ADAP1: variants seen among roughly 807,000 people sequenced by gnomAD.
ADAP1 encodes the protein arf-GAP with dual PH domain-containing protein 1.
ADAP1 carries 31 observed loss-of-function variants against 54.9 expected under a neutral mutation model. The ratio of observed to expected loss-of-function variants is 0.56; its 90% CI spans 0.42 to 0.76. The LOEUF is 0.76. ADAP1 is among the 30% of genes least tolerant of loss of function. The pLI is 0.00. For synonymous variants in ADAP1, 313 were observed against 202.6 expected, an observed-to-expected ratio of 1.55 and a Z score of -4.63; for missense variants, 535 against 512.4, an observed-to-expected ratio of 1.04 and a Z score of -0.42.
intron 4 of ADAP1, chr7:905,751 G>GAAAGGAGAAAGGAGA (rs1583130611): frequency 3.6e-5 from 2 of 55,156 alleles, no homozygotes; most frequent in Non-Finnish European, 6.5e-5. Flanking sequence ...GGAGAAGGGA[G>GAAAGGAGAAAGGAGA]AAGGGAGAAG....
rs537552192 is a variant in ADAP1 at position 909,201 on chromosome 7, C to T, written c.389-4029G>A. 4.3e-5 allele frequency among the ~76,000 whole-genome samples: 3 copies of T among 70,244 alleles called. No homozygotes were observed. The East Asian group carries it at 1.1e-3, about 25-fold the overall frequency. 46.1% of individuals were successfully genotyped at this position (70,244 alleles called of 152,430 possible). ...CCAGCGGGAACCCCGGACCTCCCGA[C>T]AGCAGGCGCCAGCGGGAACCCCGGT... On this transcript the variant is annotated intron_variant, in intron 4 of 10. Transcript: ENST00000265846.
chr7:915,415 C>T (rs914905124), intron 4 of ADAP1, among the ~76,000 whole-genome samples: 2 of 152,224 alleles, frequency 1.3e-5, no homozygotes, highest in African/African-American at 2.4e-5. Context: ...CCTGGTGCTG[C>T]GGACGTGGCC....
chr7:955,237 C>T (rs1235145184), upstream of ADAP1: 3 of 1,511,386 alleles, frequency 2.0e-6, no homozygotes, highest in East Asian at 2.5e-5. Context: ...TGAGGGGCCC[C>T]GCCGGGACTT....
rs1562915336 is a variant in ADAP1, at chr7:906,707, GA to G, written c.389-1536del. ...GGACACGGGGGACATGGACATGGGGGACGGGACATCGGGGACGGGACATGGG... is the reference window on the plus strand; with the variant it reads ...GGACACGGGGGACATGGACATGGGGGCGGGACATCGGGGACGGGACATGGG... On this transcript the variant is annotated intron_variant, in intron 4 of 10. Coordinates refer to ENST00000265846, the MANE Select transcript of ADAP1 (RefSeq NM_006869.4). 2.4e-3 allele frequency among the ~76,000 whole-genome samples: 75 copies of G among 31,380 alleles called. 9 individuals are homozygous for G. The highest frequency in any genetic ancestry group is 0.011 in the East Asian group (2 of 180). The allele number at this position is 31,380 out of a possible 152,430, so 20.6% of individuals were successfully genotyped here. A position where few individuals can be genotyped will look rare whatever the true frequency, so the allele number is the denominator to read the frequency against.
At chr7:915,187 G>T (rs959343347) in intron 4 of ADAP1, among the ~76,000 whole-genome samples, 41 of 93,238 alleles carry the variant, frequency 4.4e-4, no homozygotes, top group Non-Finnish European at 8.2e-4. Context: ...ACCTGGCCAC[G>T]GCACTCACGG....
At chr7:900,881 GAA>G (rs879634033) in intron 6 of ADAP1, 28,505 of 480,136 alleles carry the variant, frequency 0.059, 776 homozygotes, top group East Asian at 0.062. Flanking sequence ...CCGAAGGGCC[GAA>G]GGGCCGGGCC....
intron 1 of ADAP1, among the ~76,000 whole-genome samples, chr7:937,150 G>A (rs1846790275): frequency 8.4e-6 from 1 of 118,422 alleles, no homozygotes; most frequent in African/African-American, 3.3e-5. Flanking sequence ...GGTCACGCCC[G>A]GCCTCTGGGA....
At position 904,165 on chromosome 7, in the gene ADAP1, G is replaced by A. The variant is rs1844968832; in HGVS notation, c.609C>T (p.Asn203=). Residue 203 remains asparagine, a synonymous_variant, in exon 6 of 11, where the codon AAC becomes AAT. Coordinates refer to ENST00000265846, the MANE Select transcript of ADAP1 (RefSeq NM_006869.4). ...GGTAGATGAAGATGTTACGGGTGCTGTTGTCCTTCAGGTAGGTGACCTGCA... is the reference window on the plus strand; with the variant it reads ...GGTAGATGAAGATGTTACGGGTGCTATTGTCCTTCAGGTAGGTGACCTGCA... The part of the protein sequence containing the change: ...HGLQVTYLKD[N]STRNIFIYHE... 1.9e-6 allele frequency: 3 copies of A among 1,612,648 alleles called. No homozygotes were observed. The highest frequency in any genetic ancestry group is 1.3e-5 in the African/African-American group (1 of 75,068).
At chr7:930,560 T>A (rs1336818629) in intron 2 of ADAP1, among the ~76,000 whole-genome samples, 3 of 151,540 alleles carry the variant, frequency 2.0e-5, no homozygotes, top group Admixed American at 6.6e-5. Flanking sequence ...GGCTCACGTC[T>A]GTAATCCCAG....
At chr7:955,347 C>A (rs1228848822), upstream of ADAP1, 8 of 1,550,254 alleles carry the variant, frequency 5.2e-6, no homozygotes, top group Admixed American at 1.2e-4. Flanking sequence ...TTTTCAAATT[C>A]TTTCCATTTT....
chr7:914,171 C>A (rs927189712), intron 4 of ADAP1, among the ~76,000 whole-genome samples: 3 of 152,226 alleles, frequency 2.0e-5, no homozygotes, highest in Non-Finnish European at 4.4e-5. Context: ...GGTTCCGGCT[C>A]ATTCCAGGGC....
rs1554271975 is a variant in ADAP1 at position 905,910 on chromosome 7, G to GGAGAAGGGAGAAGGGAGAAGGGA, written c.389-739_389-738insTCCCTTCTCCCTTCTCCCTTCTC. ...AAAGGAGAAAGGAGAAAGGAGAAAG[G>GGAGAAGGGAGAAGGGAGAAGGGA]GAAAGGAGAAAGGGAGAAAGGAGAA... On this transcript the variant is annotated intron_variant, in intron 4 of 10. Coordinates refer to ENST00000265846, the MANE Select transcript of ADAP1 (RefSeq NM_006869.4). Among the ~76,000 whole-genome samples the GGAGAAGGGAGAAGGGAGAAGGGA allele has an allele frequency of 2.0e-4, 2 of 9,924 alleles. 1 individual carries two copies. Among genetic ancestry groups the GGAGAAGGGAGAAGGGAGAAGGGA allele is most frequent in the Non-Finnish European group, 4.1e-4 (2 of 4,934 alleles). The allele number at this position is 9,924 out of a possible 152,430, so 6.5% of individuals were successfully genotyped here. A position where few individuals can be genotyped will look rare whatever the true frequency, so the allele number is the denominator to read the frequency against.
chr7:911,394 C>T (rs1380705948), intron 4 of ADAP1, among the ~76,000 whole-genome samples: 1 of 152,194 alleles, frequency 6.6e-6, no homozygotes, highest in Non-Finnish European at 1.5e-5. Context: ...GCTGCCCAGG[C>T]TGCAGGAGGG....
At chr7:908,879 A>C (rs1370064216) in intron 4 of ADAP1, among the ~76,000 whole-genome samples, 1 of 152,188 alleles carries the variant, frequency 6.6e-6, no homozygotes, top group Admixed American at 6.5e-5. Context: ...ACGGGGGTGG[A>C]GCTGGCTGGG....
chr7:942,505 TGAGGAAGGGAGAGAGGAG>T (rs1338238956), intron 1 of ADAP1, among the ~76,000 whole-genome samples: 54 of 3,202 alleles, frequency 0.017, no homozygotes, highest in African/African-American at 0.037. Flanking sequence ...GGAGAGAGGA[TGAGGAAGGGAGAGAGGAG>T]GAGGAAGGGA....
intron 4 of ADAP1, among the ~76,000 whole-genome samples, chr7:911,216 G>A (rs1426912021): frequency 1.3e-5 from 2 of 152,172 alleles, no homozygotes; most frequent in Non-Finnish European, 2.9e-5. Context: ...GAGGGTGGAC[G>A]AGGGCTCCTG....
chr7:906,057 G>T (rs1477270606), intron 4 of ADAP1, among the ~76,000 whole-genome samples: 1 of 21,666 alleles, frequency 4.6e-5, no homozygotes, highest in African/African-American at 5.2e-4. Context: ...AAGGAGAAAG[G>T]AGAAAGGGAG....
Position 938,969 on chromosome 7 carries a change from G to A in ADAP1, c.83-3464C>T, listed in dbSNP as rs539819135. On this transcript the variant is annotated intron_variant, in intron 1 of 10. Transcript: ENST00000265846. This position sits in a 1 kb window ranked among gnomAD's most constrained non-coding sequence, Gnocchi z 4.4. Reference sequence around the variant, plus strand: ...CTCCAACCTCACTCGGGTGCTCCGGGACAGGCTGTCCCTCTCCTGGCCTGG... The same window carrying A: ...CTCCAACCTCACTCGGGTGCTCCGGAACAGGCTGTCCCTCTCCTGGCCTGG... Among the ~76,000 whole-genome samples the A allele has an allele frequency of 2.0e-5, 3 of 152,308 alleles. No individual in the cohort carries two copies. Among genetic ancestry groups the A allele is most frequent in the South Asian group, 2.1e-4 (1 of 4,826 alleles).
At chr7:932,422 G>A (rs975859426) in intron 2 of ADAP1, among the ~76,000 whole-genome samples, 7 of 152,154 alleles carry the variant, frequency 4.6e-5, no homozygotes, top group African/African-American at 9.7e-5. Context: ...CTGGAATTAT[G>A]GGGACAATAG....
Sources: gnomAD v4.1 joint callset for allele counts (sites outside exome capture counted in the v4.1 genomes callset) on GRCh38, gnomAD v4.1.1 for gene constraint, Gnocchi (gnomAD v3.1) non-coding constraint, MANE v1.5 for transcripts, NCBI Gene and HGNC (gene_info 2026-07-23, HGNC 2026-07-21) for gene names.